The following VEPH1 variants were observed in gnomAD, a reference collection of about 807,000 sequenced individuals.
The protein encoded by VEPH1 is ventricular zone expressed PH domain containing 1.
VEPH1 carries 80 observed loss-of-function variants against 85.2 expected under a neutral mutation model. The observed-to-expected ratio is 0.94, with a 90% CI of 0.78 to 1.13. The LOEUF (loss-of-function observed/expected upper bound fraction) is 1.13. Ranked by LOEUF, VEPH1 falls within the 50% of genes most tolerant of loss-of-function variation. VEPH1 has a pLI of 0.00. For missense variants in VEPH1, 955 were observed against 980.5 expected, an observed-to-expected ratio of 0.97 and a Z score of 0.35; for synonymous variants, 297 against 348.0, an observed-to-expected ratio of 0.85 and a Z score of 1.63.
At chr3:157,279,765 C>A (rs1329183017) in intron 12 of VEPH1, among the ~76,000 whole-genome samples, 1 of 152,062 alleles carries the variant, frequency 6.6e-6, no homozygotes, top group Non-Finnish European at 1.5e-5. Flanking sequence ...CGCTGGTAAT[C>A]CCAGCACTTT....
intron 9 of VEPH1, among the ~76,000 whole-genome samples, chr3:157,341,835 A>C (rs2108651182): frequency 6.6e-6 from 1 of 152,176 alleles, no homozygotes; most frequent in African/African-American, 2.4e-5. Context: ...TCTCGGCAGA[A>C]ACTCTACAAG....
chr3:157,319,149 A>C lies in VEPH1; in HGVS notation c.1736-1948T>G, dbSNP rs541576785. On this transcript the variant is annotated intron_variant, in intron 9 of 13. Transcript: ENST00000362010. The stretch of plus-strand genomic sequence containing the variant: ...GGGCAAGTTAGAGATATATACAGAA[A>C]TGTTAATAATTAATAGCTTTCTGTG... Among the ~76,000 whole-genome samples, 4 of 152,346 alleles carry C rather than the reference A, an allele frequency of 2.6e-5. No homozygotes were observed. The East Asian group carries it at 7.7e-4, about 29-fold the overall frequency.
At chr3:157,292,818 A>G (rs1297409347) in intron 11 of VEPH1, among the ~76,000 whole-genome samples, 6 of 149,986 alleles carry the variant, frequency 4.0e-5, no homozygotes, top group African/African-American at 1.5e-4. Flanking sequence ...CTAAAAAAAA[A>G]AAAAAAAAAA....
intron 12 of VEPH1, among the ~76,000 whole-genome samples, chr3:157,280,316 T>C (rs1715942522): frequency 6.6e-6 from 1 of 152,158 alleles, no homozygotes; most frequent in Non-Finnish European, 1.5e-5. Flanking sequence ...CTCAGCTTGT[T>C]CTCTATGTGG....
chr3:157,347,885 T>C (rs1577401524), intron 9 of VEPH1, among the ~76,000 whole-genome samples: 1 of 152,310 alleles, frequency 6.6e-6, no homozygotes, highest in Admixed American at 6.5e-5. Context: ...ACACAAAGTG[T>C]ATACTCTCCA....
intron 12 of VEPH1, among the ~76,000 whole-genome samples, chr3:157,273,933 G>A (rs1321643069): frequency 6.6e-6 from 1 of 152,196 alleles, no homozygotes; most frequent in Non-Finnish European, 1.5e-5. Context: ...CTGTACCAAA[G>A]ACTTTCTCTA....
In VEPH1 at chr3:157,364,330, T is replaced by G; in HGVS notation, c.1310A>C (p.Glu437Ala). The change falls in exon 8 of 14, where the codon GAA becomes GCA. Residue 437 changes from glutamate (E) to alanine (A), a missense_variant. Glu to Ala is a moderately radical substitution (Grantham distance 107, BLOSUM62 -1). Transcript: ENST00000362010. The part of the protein sequence containing the change: ...RRYSLGQVSK[E>A]ERKNIRFNRS... ...GTTAAATCTAATGTTTTTTCTTTCT[T>G]CTTTAGAAACTTGGCCCAGACTATA... is the stretch of plus-strand genomic sequence containing the variant. 2 of 1,612,928 alleles carry G rather than the reference T, an allele frequency of 1.2e-6. No homozygotes were observed. The highest frequency in any genetic ancestry group is 1.7e-6 in the Non-Finnish European group (2 of 1,179,638).
chr3:157,350,316 T>G (rs759023960), intron 9 of VEPH1, among the ~76,000 whole-genome samples: 6 of 152,172 alleles, frequency 3.9e-5, no homozygotes, highest in Non-Finnish European at 8.8e-5. Flanking sequence ...GATATCCATA[T>G]GCAGAAGAAT....
chr3:157,394,392 G>A (rs1376811726), intron 6 of VEPH1, among the ~76,000 whole-genome samples: 1 of 152,128 alleles, frequency 6.6e-6, no homozygotes, highest in African/African-American at 2.4e-5. Context: ...AACCAGACAT[G>A]GACCTTGGGC....
chr3:157,294,354 C>G (rs982413631), intron 11 of VEPH1, among the ~76,000 whole-genome samples: 2 of 152,144 alleles, frequency 1.3e-5, no homozygotes, highest in South Asian at 4.1e-4. Flanking sequence ...GGAACAGATA[C>G]GTATTCTTGA....
chr3:157,275,228 T>C lies in VEPH1; in HGVS notation c.2129-9566A>G, dbSNP rs139212327. Among the ~76,000 whole-genome samples the C allele has an allele frequency of 5.0e-4, 76 of 152,302 alleles. 1 individual carries two copies. In the East Asian group the frequency reaches 8.5e-3, roughly 17 times the overall value. Reference sequence around the variant, plus strand: ...GATATTTGAATTTCTAGATACTCTTTTCTGATTGTTAAAGATAAATGCCTT... The same window carrying C: ...GATATTTGAATTTCTAGATACTCTTCTCTGATTGTTAAAGATAAATGCCTT... On this transcript the variant is annotated intron_variant, in intron 12 of 13. Transcript: ENST00000362010.
At chr3:157,439,202 A>C (rs761342593) in intron 4 of VEPH1, among the ~76,000 whole-genome samples, 1 of 152,212 alleles carries the variant, frequency 6.6e-6, no homozygotes, top group Non-Finnish European at 1.5e-5. Context: ...TGTTTCGCAA[A>C]CCACGTAAAG....
chr3:157,433,591 G>A (rs1253080093), intron 4 of VEPH1, among the ~76,000 whole-genome samples: 1 of 152,132 alleles, frequency 6.6e-6, no homozygotes, highest in African/African-American at 2.4e-5. Context: ...ACATTGCTGT[G>A]CATAATGTGT....
intron 12 of VEPH1, among the ~76,000 whole-genome samples, chr3:157,280,072 A>C (rs1429648379): frequency 2.0e-5 from 3 of 151,180 alleles, no homozygotes; most frequent in Admixed American, 2.0e-4. Context: ...AAATAGGTGT[A>C]TTTGTGGCTG....
chr3:157,361,259 C>T (rs1500919), intron 9 of VEPH1, among the ~76,000 whole-genome samples: 105,037 of 152,108 alleles, frequency 0.69, 36,565 homozygotes, highest in East Asian at 0.78. Context: ...CTTTAAAAGT[C>T]TTAGGAAGGC....
At chr3:157,397,627 G>A (rs35218020) in intron 6 of VEPH1, among the ~76,000 whole-genome samples, 101,833 of 151,856 alleles carry the variant, frequency 0.67, 34,498 homozygotes, top group South Asian at 0.75. Context: ...CTTTGAAGAG[G>A]GCCTTCACTT....
chr3:157,272,794 GCTTTCTCAAAACA>G (rs901530327), intron 12 of VEPH1, among the ~76,000 whole-genome samples: 1 of 152,048 alleles, frequency 6.6e-6, no homozygotes, highest in Non-Finnish European at 1.5e-5. Flanking sequence ...ACTTTTGCTA[GCTTTCTCAAAACA>G]CTCTCATAAT....
chr3:157,365,579 T>C (rs1329843498), intron 7 of VEPH1, among the ~76,000 whole-genome samples: 2 of 152,110 alleles, frequency 1.3e-5, no homozygotes, highest in Non-Finnish European at 2.9e-5. Flanking sequence ...GTGAGAAGTA[T>C]GGGGTCCCCA....
At chr3:157,476,012 C>T (rs973310363) in intron 2 of VEPH1, among the ~76,000 whole-genome samples, 6 of 152,192 alleles carry the variant, frequency 3.9e-5, no homozygotes, top group South Asian at 2.1e-4. Flanking sequence ...ATATTCACTA[C>T]ACAAGAGGCA....
Sources: gnomAD v4.1 joint callset for allele counts (sites outside exome capture counted in the v4.1 genomes callset) on GRCh38, gnomAD v4.1.1 for gene constraint, MANE v1.5 for transcripts, NCBI Gene and HGNC (gene_info 2026-07-23, HGNC 2026-07-21) for gene names.